The following SCFD2 variants were observed in gnomAD, a reference collection of about 807,000 sequenced individuals.
SCFD2 encodes sec1 family domain-containing protein 2.
Under a neutral mutation model 58.9 loss-of-function variants are expected in SCFD2, and 54 were observed. The ratio of observed to expected loss-of-function variants is 0.92; its 90% CI spans 0.74 to 1.15. The LOEUF (loss-of-function observed/expected upper bound fraction) is 1.15. Among genes scored for constraint, SCFD2 ranks in the 50% most tolerant of loss-of-function variants. The pLI is 0.00. For missense variants in SCFD2, 805 were observed against 836.6 expected (o/e 0.96, Z 0.47); for synonymous variants, 321 against 335.9 (o/e 0.96, Z 0.49).
intron 5 of SCFD2, among the ~76,000 whole-genome samples, chr4:53,091,047 T>C (rs1358872984): frequency 1.3e-5 from 2 of 152,180 alleles, no homozygotes; most frequent in East Asian, 1.9e-4. Context: ...ATAACTGCTA[T>C]GCCATGTTGT....
intron 4 of SCFD2, among the ~76,000 whole-genome samples, chr4:53,177,496 T>TA (rs1727376910): frequency 6.6e-6 from 1 of 151,950 alleles, no homozygotes; most frequent in South Asian, 2.1e-4. Flanking sequence ...AAAGTAAAAA[T>TA]AAAAAACAAT....
In SCFD2 at chr4:53,013,337, C is replaced by T. The variant is rs182298248; in HGVS notation, c.1562-92467G>A. 1.4e-3 allele frequency among the ~76,000 whole-genome samples: 206 copies of T among 152,274 alleles called. 1 individual carries two copies. Among genetic ancestry groups the T allele is most frequent in the African/African-American group, 4.8e-3 (201 of 41,544 alleles). On this transcript the variant is annotated intron_variant, in intron 5 of 8. Transcript: ENST00000401642. ...GAGTTTTTCACTGTAAATTCATGGG[C>T]CCTTTCCTGTGTAAATAAATAATGG... is the stretch of plus-strand genomic sequence containing the variant.
chr4:53,066,868 CATTTTTAT>C (rs1723677007), intron 5 of SCFD2, among the ~76,000 whole-genome samples: 1 of 152,000 alleles, frequency 6.6e-6, no homozygotes, highest in African/African-American at 2.4e-5. Context: ...AGCAACTTTA[CATTTTTAT>C]ACGTAGCAGT....
At chr4:53,182,053 A>G (rs1292181187) in intron 4 of SCFD2, among the ~76,000 whole-genome samples, 2 of 152,212 alleles carry the variant, frequency 1.3e-5, no homozygotes, top group African/African-American at 4.8e-5. Flanking sequence ...GGAAGAATCA[A>G]TATCGTGAAA....
chr4:53,150,216 A>G (rs1396487991), intron 4 of SCFD2, among the ~76,000 whole-genome samples: 1 of 152,164 alleles, frequency 6.6e-6, no homozygotes, highest in Non-Finnish European at 1.5e-5. Flanking sequence ...GGAAAAGAAG[A>G]AAGTAAGGGG....
chr4:53,236,813 TTTATTTA>T (rs1343652704), intron 4 of SCFD2, among the ~76,000 whole-genome samples: 8 of 18,972 alleles, frequency 4.2e-4, no homozygotes, highest in South Asian at 1.3e-3. Context: ...CACTGTTTTA[TTTATTTA>T]TTTATTTATT....
At chr4:53,314,875 T>C (rs1361121434) in intron 2 of SCFD2, among the ~76,000 whole-genome samples, 1 of 152,182 alleles carries the variant, frequency 6.6e-6, no homozygotes, top group Non-Finnish European at 1.5e-5. Flanking sequence ...CTCAACATAC[T>C]CCACTTGTTT....
At chr4:53,298,013 C>T (rs1367481751) in intron 3 of SCFD2, among the ~76,000 whole-genome samples, 1 of 152,158 alleles carries the variant, frequency 6.6e-6, no homozygotes, top group East Asian at 1.9e-4. Flanking sequence ...CAGCTCCCAG[C>T]ATGAACGACA....
In SCFD2 at chr4:52,972,024, C is replaced by T. The variant is rs190407570; in HGVS notation, c.1562-51154G>A. ...AAGAGCTCCTGAAGGAAGCACTGAA[C>T]ATGGAAAGGAATAACTGGTACCAGC... On this transcript the variant is annotated intron_variant, in intron 5 of 8. Coordinates refer to ENST00000401642, the MANE Select transcript of SCFD2 (RefSeq NM_152540.4). 7.3e-3 allele frequency among the ~76,000 whole-genome samples: 1,110 copies of T among 152,248 alleles called. 8 individuals carry two copies. The highest frequency in any genetic ancestry group is 0.016 in the South Asian group (75 of 4,818).
At chr4:53,223,768 A>G (rs1729117941) in intron 4 of SCFD2, among the ~76,000 whole-genome samples, 2 of 152,240 alleles carry the variant, frequency 1.3e-5, no homozygotes, top group Admixed American at 6.5e-5. Context: ...TACTGATGGC[A>G]GTTGACATTT....
intron 4 of SCFD2, among the ~76,000 whole-genome samples, chr4:53,193,944 T>A (rs1727985774): frequency 6.6e-6 from 1 of 152,210 alleles, no homozygotes; most frequent in African/African-American, 2.4e-5. Flanking sequence ...GGTTGATTTT[T>A]GGTTTGGGTT....
At chr4:53,080,176 G>T (rs1262080029) in intron 5 of SCFD2, among the ~76,000 whole-genome samples, 1 of 152,106 alleles carries the variant, frequency 6.6e-6, no homozygotes, top group Non-Finnish European at 1.5e-5. Context: ...AGAATGATGA[G>T]TTCTCATCTC....
chr4:53,223,856 T>C (rs1203421553), intron 4 of SCFD2, among the ~76,000 whole-genome samples: 1 of 152,174 alleles, frequency 6.6e-6, no homozygotes, highest in African/African-American at 2.4e-5. Flanking sequence ...ACTTAATATA[T>C]AAAAAGCTCT....
chr4:53,000,593 C>T (rs1577651185), intron 5 of SCFD2, among the ~76,000 whole-genome samples: 1 of 152,320 alleles, frequency 6.6e-6, no homozygotes, highest in East Asian at 1.9e-4. Context: ...TCCTGAGTTC[C>T]AAAGTTCCCA....
intron 7 of SCFD2, among the ~76,000 whole-genome samples, chr4:52,903,759 TC>T (rs1719279518): frequency 6.6e-6 from 1 of 152,240 alleles, no homozygotes; most frequent in Non-Finnish European, 1.5e-5. Context: ...TGAACTCTGA[TC>T]TAATCTGTTC....
At chr4:53,072,161 T>C (rs1038324845) in intron 5 of SCFD2, among the ~76,000 whole-genome samples, 10 of 152,038 alleles carry the variant, frequency 6.6e-5, no homozygotes, top group Non-Finnish European at 1.2e-4. Context: ...CAACAGATCA[T>C]CACCTACACC....
At chr4:53,292,709 C>A (rs1731881388) in intron 3 of SCFD2, among the ~76,000 whole-genome samples, 1 of 152,020 alleles carries the variant, frequency 6.6e-6, no homozygotes. Flanking sequence ...GGGTATATAC[C>A]CAAAGGAATA....
At chr4:53,350,698 G>T (rs894261356) in intron 2 of SCFD2, among the ~76,000 whole-genome samples, 1 of 152,068 alleles carries the variant, frequency 6.6e-6, no homozygotes, top group African/African-American at 2.4e-5. Flanking sequence ...TAAGACAGTG[G>T]CTCAAAAGTC....
At chr4:53,298,238 C>A (rs62324290) in intron 3 of SCFD2, among the ~76,000 whole-genome samples, 8,599 of 152,226 alleles carry the variant, frequency 0.056, 303 homozygotes, top group Middle Eastern at 0.12. Context: ...AATCAGGTCA[C>A]TCCCACCCTA....
Sources: allele counts gnomAD v4.1 joint callset (sites outside exome capture counted in the v4.1 genomes callset), GRCh38; gene constraint gnomAD v4.1.1; transcripts MANE v1.5; gene names NCBI Gene and HGNC (gene_info 2026-07-23, HGNC 2026-07-21).